The following SPIDR variants were observed in gnomAD, a reference collection of about 807,000 sequenced individuals.
SPIDR encodes the protein scaffold protein involved in DNA repair, also known as DNA repair-scaffolding protein.
Under a neutral mutation model 104.6 loss-of-function variants are expected in SPIDR, and 93 were observed. The ratio of observed to expected loss-of-function variants is 0.89; its 90% CI spans 0.75 to 1.06. SPIDR has a LOEUF of 1.06. Among genes scored for constraint, SPIDR ranks in the 50% least tolerant of loss-of-function variants. The probability of loss-of-function intolerance (pLI) is 0.00; values close to 1 mark genes in which losing one functional copy is unlikely to be tolerated. For synonymous variants in SPIDR, 431 were observed against 416.9 expected, an observed-to-expected ratio of 1.03 and a Z score of -0.41; for missense variants, 1,154 against 1,111.2, an observed-to-expected ratio of 1.04 and a Z score of -0.55.
At chr8:47,552,940 T>C (rs768640347) in intron 8 of SPIDR, among the ~76,000 whole-genome samples, 4 of 152,238 alleles carry the variant, frequency 2.6e-5, no homozygotes, top group Admixed American at 6.5e-5. Context: ...TCAGGAGCTC[T>C]TGCATGGCAG....
intron 10 of SPIDR, among the ~76,000 whole-genome samples, chr8:47,658,447 C>T (rs1007411280): frequency 5.9e-5 from 9 of 151,938 alleles, no homozygotes; most frequent in Admixed American, 1.3e-4. Flanking sequence ...CGATATTCAC[C>T]GGCAATAAAC....
At chr8:47,444,375 C>A (rs1170893619) in intron 8 of SPIDR, among the ~76,000 whole-genome samples, 1 of 152,206 alleles carries the variant, frequency 6.6e-6, no homozygotes, top group Non-Finnish European at 1.5e-5. Flanking sequence ...ACCTCTCATT[C>A]ATTCAGAAGT....
chr8:47,337,183 AG>A (rs1368876284), intron 5 of SPIDR, among the ~76,000 whole-genome samples: 1 of 152,072 alleles, frequency 6.6e-6, no homozygotes, highest in Non-Finnish European at 1.5e-5. Context: ...GCTGGAGTGC[AG>A]GGGTCTGATG....
intron 8 of SPIDR, among the ~76,000 whole-genome samples, chr8:47,443,295 C>T (rs781978131): frequency 2.6e-5 from 4 of 152,006 alleles, no homozygotes; most frequent in Non-Finnish European, 5.9e-5. Flanking sequence ...AGAGGCCGGG[C>T]GCATTAGTTC....
intron 1 of SPIDR, among the ~76,000 whole-genome samples, chr8:47,275,204 A>C (rs2036158481): frequency 6.6e-6 from 1 of 151,762 alleles, no homozygotes; most frequent in African/African-American, 2.4e-5. Context: ...GCTTGCAGTG[A>C]GCCCAGATTG....
intron 8 of SPIDR, among the ~76,000 whole-genome samples, chr8:47,567,075 C>G (rs2057946329): frequency 6.6e-6 from 1 of 151,992 alleles, no homozygotes; most frequent in Admixed American, 6.6e-5. Flanking sequence ...TTTAAATATG[C>G]AAGTACATAA....
intron 8 of SPIDR, among the ~76,000 whole-genome samples, chr8:47,496,631 A>ATT (rs1217268190): frequency 1.3e-5 from 2 of 151,594 alleles, no homozygotes; most frequent in African/African-American, 2.4e-5. Context: ...TATACTCATA[A>ATT]GAGATATGGG....
Position 47,700,485 on chromosome 8 carries a change from G to A in SPIDR, c.1768G>A (p.Glu590Lys). ...AACACCTGGCCGCGACCAGCCCTGT[G>A]AAGAGGTAAGCCCGGCACTGGAAAA... ...LKTPGRDQPC[E>K]EIKTHLPPPA... Residue 590 changes from glutamate (E) to lysine (K), a missense_variant, in exon 12 of 20, where the codon GAA becomes AAA. Physicochemically the swap from Glu to Lys is moderately conservative, Grantham distance 56. Coordinates refer to ENST00000297423, the MANE Select transcript of SPIDR (RefSeq NM_001080394.4). 1.9e-6 allele frequency: 3 copies of A among 1,614,204 alleles called. No homozygotes were observed. The highest frequency in any genetic ancestry group is 2.2e-5 in the South Asian group (2 of 91,090).
At chr8:47,676,912 C>G (rs1222138043) in intron 11 of SPIDR, among the ~76,000 whole-genome samples, 1 of 152,184 alleles carries the variant, frequency 6.6e-6, no homozygotes, top group Non-Finnish European at 1.5e-5. Flanking sequence ...TCCAGAGGCT[C>G]GCAGAAAAAC....
At chr8:47,498,047 T>C (rs1259043753) in intron 8 of SPIDR, among the ~76,000 whole-genome samples, 5 of 152,204 alleles carry the variant, frequency 3.3e-5, no homozygotes, top group Non-Finnish European at 5.9e-5. Flanking sequence ...GAGCACTGCT[T>C]TCTTTTCTGA....
rs1220114004 is a variant in SPIDR, at chr8:47,331,965, CTTTTTTTTTTTTTTTTTTTTTCTCTTT to C, written c.525+37955_525+37981del. Among the ~76,000 whole-genome samples the C allele has an allele frequency of 4.5e-3, 146 of 32,716 alleles. 2 individuals are homozygous for C. In the Middle Eastern group the frequency reaches 0.11, roughly 24 times the overall value. The allele number at this position is 32,716 out of a possible 152,430, so 21.5% of individuals were successfully genotyped here. A position where few individuals can be genotyped will look rare whatever the true frequency, so the allele number is the denominator to read the frequency against. On this transcript the variant is annotated intron_variant, in intron 5 of 19. Coordinates refer to ENST00000297423, the MANE Select transcript of SPIDR (RefSeq NM_001080394.4). ...TTTCTATTTAAAAAATTTTTTTAAA[CTTTTTTTTTTTTTTTTTTTTTCTCTTT>C]TTTTTTTTTTTTTTTTTTTATTATA...
intron 5 of SPIDR, among the ~76,000 whole-genome samples, chr8:47,351,899 A>G (rs1487578282): frequency 6.6e-6 from 1 of 152,164 alleles, no homozygotes; most frequent in East Asian, 1.9e-4. Context: ...CCTAGAAGCA[A>G]TCCCCTATGC....
chr8:47,491,070 CA>C (rs1564125201), intron 8 of SPIDR, among the ~76,000 whole-genome samples: 1 of 152,072 alleles, frequency 6.6e-6, no homozygotes, highest in African/African-American at 2.4e-5. Context: ...CTTGTAACTA[CA>C]AAAAGCATGC....
chr8:47,576,947 G>A (rs1025732428), intron 8 of SPIDR, among the ~76,000 whole-genome samples: 6 of 152,178 alleles, frequency 3.9e-5, no homozygotes, highest in African/African-American at 1.4e-4. Flanking sequence ...CCATACAACA[G>A]TACCACTCCA....
intron 8 of SPIDR, among the ~76,000 whole-genome samples, chr8:47,491,992 G>C (rs2078797033): frequency 6.6e-6 from 1 of 152,198 alleles, no homozygotes; most frequent in African/African-American, 2.4e-5. Flanking sequence ...CAGGAGGAAC[G>C]AGGTGACGCT....
intron 8 of SPIDR, among the ~76,000 whole-genome samples, chr8:47,441,635 C>CTTTTCTGTGT (rs2069455885): frequency 6.6e-6 from 1 of 152,040 alleles, no homozygotes; most frequent in Admixed American, 6.6e-5. Flanking sequence ...TTTTGATGAG[C>CTTTTCTGTGT]AGAACTTTTC....
intron 10 of SPIDR, among the ~76,000 whole-genome samples, chr8:47,612,686 C>T (rs181241610): frequency 9.0e-4 from 137 of 152,298 alleles, no homozygotes; most frequent in African/African-American, 2.7e-3. Context: ...TGAGGAGCAA[C>T]GATGAAGCCA....
chr8:47,476,087 C>T (rs1379655337), intron 8 of SPIDR, among the ~76,000 whole-genome samples: 1 of 152,128 alleles, frequency 6.6e-6, no homozygotes, highest in Non-Finnish European at 1.5e-5. Context: ...GCCATTGTAA[C>T]ACAAAAGTTA....
intron 1 of SPIDR, among the ~76,000 whole-genome samples, chr8:47,272,351 T>G: frequency 6.6e-6 from 1 of 152,210 alleles, no homozygotes. Context: ...AATTCTCCCA[T>G]CCCCTCCCCA....
Sources: gnomAD v4.1 joint callset for allele counts (sites outside exome capture counted in the v4.1 genomes callset) on GRCh38, gnomAD v4.1.1 for gene constraint, MANE v1.5 for transcripts, NCBI Gene and HGNC (gene_info 2026-07-23, HGNC 2026-07-21) for gene names.